DERA: variants seen among roughly 807,000 people sequenced by gnomAD.
DERA encodes the protein 2-deoxy-D-ribose 5-phosphate aldolase.
In DERA, 15 loss-of-function variants were observed where a neutral mutation model predicts 41.1. The observed-to-expected ratio is 0.37, with a 90% CI of 0.24 to 0.56. The LOEUF (loss-of-function observed/expected upper bound fraction) is 0.56, where lower values mean the gene tolerates loss of function less well. Among genes scored for constraint, DERA ranks in the 20% least tolerant of loss-of-function variants. The probability of loss-of-function intolerance (pLI) is 0.81; values close to 1 mark genes in which losing one functional copy is unlikely to be tolerated. For synonymous variants in DERA, 139 were observed against 137.4 expected, an observed-to-expected ratio of 1.01 and a Z score of -0.08; for missense variants, 396 against 403.4, an observed-to-expected ratio of 0.98 and a Z score of 0.16.
intron 5 of DERA, among the ~76,000 whole-genome samples, chr12:15,977,810 G>A (rs1471036219): frequency 6.6e-6 from 1 of 152,210 alleles, no homozygotes; most frequent in African/African-American, 2.4e-5. Flanking sequence ...ATTGTCTCAC[G>A]ATGGATGGTT....
chr12:16,022,552 A>C (rs977622767), intron 6 of DERA, among the ~76,000 whole-genome samples: 3 of 152,198 alleles, frequency 2.0e-5, no homozygotes, highest in African/African-American at 7.2e-5. Flanking sequence ...TTGATATTTA[A>C]GGACTTCCAG....
intron 7 of DERA, chr12:16,032,892 T>G: frequency 2.4e-6 from 1 of 410,134 alleles, no homozygotes; most frequent in Non-Finnish European, 4.4e-6. Context: ...TAAACTCACT[T>G]TATGTCCTTT....
Position 15,982,394 on chromosome 12 carries a change from C to A in DERA, c.595C>A (p.Leu199Ile). The change falls in exon 6 of 9, where the codon CTT becomes ATT. Residue 199 changes from leucine (L) to isoleucine (I), a missense_variant. By Grantham distance (5) the Leu-to-Ile change is conservative. Transcript: ENST00000428559. This position sits in a 1 kb window ranked among gnomAD's most constrained non-coding sequence, Gnocchi z 4.0. ...ATTAGCGACAGGAGAACTTGGAACT[C>A]TTACTAATGTCTATAAAGCCAGTAT... is the stretch of plus-strand genomic sequence containing the variant. ...TILATGELGT[L>I]TNVYKASMIA... is the part of the protein sequence containing the mutation. 2 of 1,613,840 alleles carry A rather than the reference C, an allele frequency of 1.2e-6. No homozygotes were observed. Among genetic ancestry groups the A allele is most frequent in the Non-Finnish European group, 1.7e-6 (2 of 1,179,848 alleles).
At position 15,966,055 on chromosome 12, in the gene DERA, G is replaced by T. The variant is rs1022101823; in HGVS notation, c.508+3108G>T. 6.6e-6 allele frequency among the ~76,000 whole-genome samples: 1 copy of T among 152,034 alleles called. No individual in the cohort carries two copies. The highest frequency in any genetic ancestry group is 6.6e-5 in the Admixed American group (1 of 15,252). ...TTCCTTTTCCTTCATCCCCAGCAAC[G>T]TCCTCCTTTCTTCTCTTCCCTTCAT... On this transcript the variant is annotated intron_variant, in intron 5 of 8. Coordinates refer to ENST00000428559, the MANE Select transcript of DERA (RefSeq NM_015954.4). The surrounding 1 kb of genome is among the most constrained non-coding windows in gnomAD (Gnocchi z 5.1).
At position 16,004,036 on chromosome 12, in the gene DERA, G is replaced by T. The variant is rs189596127; in HGVS notation, c.637+21600G>T. Among the ~76,000 whole-genome samples the T allele has an allele frequency of 1.2e-4, 18 of 152,224 alleles. No homozygotes were observed. Among genetic ancestry groups the T allele is most frequent in the Middle Eastern group, 3.4e-3 (1 of 294 alleles). ...GTAAGAGTAAAACATGCTTTTCTGG[G>T]CTGGCTGGGACTTACTACCACATGA... On this transcript the variant is annotated intron_variant, in intron 6 of 8. Coordinates refer to ENST00000428559, the MANE Select transcript of DERA (RefSeq NM_015954.4). This position sits in a 1 kb window ranked among gnomAD's most constrained non-coding sequence, Gnocchi z 4.2.
intron 7 of DERA, among the ~76,000 whole-genome samples, chr12:16,034,356 T>C (rs550247916): frequency 6.6e-6 from 1 of 152,326 alleles, no homozygotes; most frequent in South Asian, 2.1e-4. Flanking sequence ...AATTTTTAAG[T>C]GCTCAGTGTT....
At chr12:15,929,372 G>A (rs1020354455) in intron 1 of DERA, among the ~76,000 whole-genome samples, 7 of 152,194 alleles carry the variant, frequency 4.6e-5, no homozygotes, top group Non-Finnish European at 7.3e-5. Context: ...TCAGCACCCA[G>A]CAGGTGGTGA....
intron 5 of DERA, among the ~76,000 whole-genome samples, chr12:15,977,936 T>A (rs1425166464): frequency 6.6e-6 from 1 of 152,230 alleles, no homozygotes; most frequent in Admixed American, 6.5e-5. Flanking sequence ...AAAGGGCATC[T>A]GTTGAACTTA....
intron 5 of DERA, among the ~76,000 whole-genome samples, chr12:15,978,661 T>C (rs568667053): frequency 1.3e-5 from 2 of 152,208 alleles, no homozygotes; most frequent in South Asian, 4.1e-4. Flanking sequence ...GTTTGTGATA[T>C]ATAGTAAGCC....
Position 16,020,281 on chromosome 12 carries a change from AAG to A in DERA, c.638-12254_638-12253del, listed in dbSNP as rs1383712575. Among the ~76,000 whole-genome samples, 1 of 152,166 alleles carries A rather than the reference AAG, an allele frequency of 6.6e-6. No homozygotes were observed. The highest frequency in any genetic ancestry group is 1.5e-5 in the Non-Finnish European group (1 of 68,038). The stretch of plus-strand genomic sequence containing the variant: ...TGTCTTAAATGGCTGGAGCAGGAAG[AAG>A]AGAGAGGAGGGGAGGTGCTACACAC... On this transcript the variant is annotated intron_variant, in intron 6 of 8. Transcript: ENST00000428559. The surrounding 1 kb of genome is among the most constrained non-coding windows in gnomAD (Gnocchi z 5.5).
chr12:16,023,723 C>G, intron 6 of DERA, among the ~76,000 whole-genome samples: 1 of 151,970 alleles, frequency 6.6e-6, no homozygotes, highest in East Asian at 1.9e-4. Context: ...GTGATCCGCC[C>G]GCCTCGGCCT....
At position 15,986,869 on chromosome 12, in the gene DERA, A is replaced by C. The variant is rs112817941; in HGVS notation, c.637+4433A>C. Among the ~76,000 whole-genome samples, 1,061 of 152,282 alleles carry C rather than the reference A, an allele frequency of 7.0e-3. 17 individuals are homozygous for C. The highest frequency in any genetic ancestry group is 0.024 in the African/African-American group (1,010 of 41,556). ...TATTTTTTGCAGTACAGGTCTGCTG[A>C]TGATGAGTTCTTTCTGGTTTTATTC... On this transcript the variant is annotated intron_variant, in intron 6 of 8. Coordinates refer to ENST00000428559, the MANE Select transcript of DERA (RefSeq NM_015954.4).
chr12:15,960,649 A>AAAC (rs1268392749), intron 4 of DERA, among the ~76,000 whole-genome samples: 8 of 151,076 alleles, frequency 5.3e-5, no homozygotes, highest in Middle Eastern at 6.8e-3. Context: ...AAAAAAAAAA[A>AAAC]AAAAAAAAAA....
rs1351798425 is a variant in DERA, at chr12:16,001,302, A to G, written c.637+18866A>G. On this transcript the variant is annotated intron_variant, in intron 6 of 8. Transcript: ENST00000428559. This position sits in a 1 kb window ranked among gnomAD's most constrained non-coding sequence, Gnocchi z 4.1. Reference sequence around the variant, plus strand: ...TTAGAAGAAATAAAAAAAACCATTCAGGCTCCCATGAGGTGATCAGGTACT... The same window carrying G: ...TTAGAAGAAATAAAAAAAACCATTCGGGCTCCCATGAGGTGATCAGGTACT... Among the ~76,000 whole-genome samples the G allele has an allele frequency of 6.6e-6, 1 of 152,220 alleles. No homozygotes were observed. Among genetic ancestry groups the G allele is most frequent in the Non-Finnish European group, 1.5e-5 (1 of 68,036 alleles).
At position 16,001,346 on chromosome 12, in the gene DERA, C is replaced by T. The variant is rs1346259690; in HGVS notation, c.637+18910C>T. ...AGGTACTTCTTTATAATTGAATATA[C>T]TTTTCAGCTAAACCCACCCCTTTCC... On this transcript the variant is annotated intron_variant, in intron 6 of 8. Transcript: ENST00000428559. The surrounding 1 kb of genome is among the most constrained non-coding windows in gnomAD (Gnocchi z 4.1). Among the ~76,000 whole-genome samples, 1 of 152,210 alleles carries T rather than the reference C, an allele frequency of 6.6e-6. No individual in the cohort carries two copies. The highest frequency in any genetic ancestry group is 1.9e-4 in the East Asian group (1 of 5,202).
chr12:15,943,705 TTTTA>T lies in DERA; in HGVS notation c.32-13199_32-13196del, dbSNP rs369885387. Among the ~76,000 whole-genome samples, 7,198 of 144,146 alleles carry T rather than the reference TTTTA, an allele frequency of 0.05. 317 individuals are homozygous for T. The highest frequency in any genetic ancestry group is 0.11 in the African/African-American group (4,513 of 39,342). 94.6% of individuals were successfully genotyped at this position (144,146 alleles called of 152,430 possible). A position where few individuals can be genotyped will look rare whatever the true frequency, so the allele number is the denominator to read the frequency against. On this transcript the variant is annotated intron_variant, in intron 1 of 8. Coordinates refer to ENST00000428559, the MANE Select transcript of DERA (RefSeq NM_015954.4). This position sits in a 1 kb window ranked among gnomAD's most constrained non-coding sequence, Gnocchi z 4.5. ...TGTTTCTTCTTTTTTATTTTTTAAT[TTTTA>T]TTTATTTATTTATTTATTTATTTAT...
At chr12:16,006,996 T>TA (rs1048945617) in intron 6 of DERA, among the ~76,000 whole-genome samples, 114 of 152,338 alleles carry the variant, frequency 7.5e-4, no homozygotes, top group African/African-American at 2.5e-3. Context: ...TTTGTCACGT[T>TA]ATGTATCAAG....
chr12:15,921,896 A>G lies in DERA; in HGVS notation c.31+10482A>G, dbSNP rs1333435384. 6.6e-6 allele frequency among the ~76,000 whole-genome samples: 1 copy of G among 151,340 alleles called. No individual in the cohort carries two copies. The highest frequency in any genetic ancestry group is 1.5e-5 in the Non-Finnish European group (1 of 67,908). On this transcript the variant is annotated intron_variant, in intron 1 of 8. Transcript: ENST00000428559. The surrounding 1 kb of genome is among the most constrained non-coding windows in gnomAD (Gnocchi z 5.3). The stretch of plus-strand genomic sequence containing the variant: ...AGCCGAGATCACGCCATTGCACTCC[A>G]GCCTGGGTGACGAGCAAAACTCCAT...
In DERA at chr12:16,012,044, T is replaced by C. The variant is rs1172778369; in HGVS notation, c.638-20498T>C. ...AAACATGCATAACTAAGTCAGTGTT[T>C]CCTCAAAAGGGGCAGAGTTTGGTAA... On this transcript the variant is annotated intron_variant, in intron 6 of 8. Transcript: ENST00000428559. This position sits in a 1 kb window ranked among gnomAD's most constrained non-coding sequence, Gnocchi z 4.1. Among the ~76,000 whole-genome samples, 2 of 152,354 alleles carry C rather than the reference T, an allele frequency of 1.3e-5. No individual in the cohort carries two copies. The highest frequency in any genetic ancestry group is 3.9e-4 in the East Asian group (2 of 5,190).
Sources: gnomAD v4.1 joint callset for allele counts (sites outside exome capture counted in the v4.1 genomes callset) on GRCh38, gnomAD v4.1.1 for gene constraint, Gnocchi (gnomAD v3.1) non-coding constraint, MANE v1.5 for transcripts, NCBI Gene and HGNC (gene_info 2026-07-23, HGNC 2026-07-21) for gene names.